KDM2A: variants seen among roughly 807,000 people sequenced by gnomAD.
The protein encoded by KDM2A is lysine-specific demethylase 2A.
A neutral mutation model predicts 137.3 loss-of-function variants in KDM2A; 3 were observed. That is an observed-to-expected ratio of 0.02 (90% CI 0.01 to 0.06). KDM2A has a LOEUF of 0.06. KDM2A is among the 10% of genes least tolerant of loss of function. KDM2A has a pLI of 1.00. For synonymous variants in KDM2A, 512 were observed against 541.5 expected (o/e 0.95, Z 0.76); for missense variants, 738 against 1,510.6 (o/e 0.49, Z 8.48).
chr11:67,254,638 C>G lies in KDM2A; in HGVS notation c.3307+220C>G. On this transcript the variant is annotated intron_variant, in intron 20 of 20. Transcript: ENST00000529006. The surrounding 1 kb of genome is among the most constrained non-coding windows in gnomAD (Gnocchi z 4.7). Reference sequence around the variant, plus strand: ...GGTTGCCTGTCTGCGCAGCCAACATCCAGCTGGAGTTTGGTCAGCCTTGCA... The same window carrying G: ...GGTTGCCTGTCTGCGCAGCCAACATGCAGCTGGAGTTTGGTCAGCCTTGCA... 1.6e-6 allele frequency: 1 copy of G among 638,996 alleles called. No homozygotes were observed. Among genetic ancestry groups the G allele is most frequent in the African/African-American group, 1.8e-5 (1 of 54,800 alleles). The allele number at this position is 638,996 out of a possible 1,614,324, so 39.6% of individuals were successfully genotyped here.
At chr11:67,134,850 C>T (rs1307712746) in intron 2 of KDM2A, among the ~76,000 whole-genome samples, 1 of 152,138 alleles carries the variant, frequency 6.6e-6, no homozygotes, top group Non-Finnish European at 1.5e-5. Flanking sequence ...AAAGCAGTCT[C>T]ACATTGTGTT....
intron 4 of KDM2A, among the ~76,000 whole-genome samples, 157 bp from the exon 5 acceptor site, chr11:67,181,689 T>A (rs1857094718): frequency 6.6e-6 from 1 of 152,160 alleles, no homozygotes; most frequent in African/African-American, 2.4e-5. Flanking sequence ...CCTGTGCATA[T>A]GTGTAAATAT....
chr11:67,252,405 T>TG (rs1286011851), intron 17 of KDM2A: 3 of 415,474 alleles, frequency 7.2e-6, no homozygotes, highest in African/African-American at 6.1e-5. Context: ...TTGCTTGCTA[T>TG]GGGTCCCTAA....
In KDM2A at chr11:67,231,814, C is replaced by T. The variant is rs1424321426; in HGVS notation, c.1333C>T (p.Pro445Ser). 2 of 1,614,030 alleles carry T rather than the reference C, an allele frequency of 1.2e-6. No homozygotes were observed. The highest frequency in any genetic ancestry group is 1.7e-5 in the Admixed American group (1 of 60,022). ...NGQVWDPQCAPRKDRQVHLTH... is the reference protein window; with the variant it reads ...NGQVWDPQCASRKDRQVHLTH... Reference sequence around the variant, plus strand: ...ACAAGTGTGGGATCCCCAGTGTGCTCCCCGAAAGGACAGGCAAGTGCATCT... The same window carrying T: ...ACAAGTGTGGGATCCCCAGTGTGCTTCCCGAAAGGACAGGCAAGTGCATCT... The change falls in exon 12 of 21, where the codon CCC (proline) becomes TCC (serine). Residue 445 changes from proline to serine, a missense_variant. By Grantham distance (74) the Pro-to-Ser change is moderately conservative. Around this residue, in one of 9 missense-constraint regions of KDM2A, gnomAD observed 113 missense variants for 133.5 expected, o/e 0.85. Transcript: ENST00000529006.
chr11:67,165,171 G>A (rs1856712312), intron 2 of KDM2A, among the ~76,000 whole-genome samples: 1 of 151,872 alleles, frequency 6.6e-6, no homozygotes, highest in South Asian at 2.1e-4. Flanking sequence ...ACCCAGGCTG[G>A]AGTGCAGTGG....
In KDM2A at chr11:67,215,934, C is replaced by T; in HGVS notation, c.672C>T (p.Ile224=). 1 of 1,613,400 alleles carries T rather than the reference C, an allele frequency of 6.2e-7. No individual in the cohort carries two copies. The highest frequency in any genetic ancestry group is 1.3e-5 in the African/African-American group (1 of 74,984). ...GTGGTACCTCTGTTTGGTATCACAT[C>T]CATCAAGGGGGAAAGGTATGGTCAT... is the stretch of plus-strand genomic sequence containing the variant. ...DFGGTSVWYH[I]HQGGKVFWLI... The change falls in exon 8 of 21, where the codon ATC becomes ATT. Residue 224 remains isoleucine (I), a synonymous_variant. Coordinates refer to ENST00000529006, the MANE Select transcript of KDM2A (RefSeq NM_012308.3).
chr11:67,155,367 G>C (rs1856488906), intron 2 of KDM2A, among the ~76,000 whole-genome samples: 2 of 149,568 alleles, frequency 1.3e-5, no homozygotes, highest in African/African-American at 2.5e-5. Flanking sequence ...TGCAAGCAGT[G>C]GACTGATCAT....
chr11:67,126,053 CTGACACAACA>C (rs922162242), intron 2 of KDM2A, among the ~76,000 whole-genome samples: 1 of 150,540 alleles, frequency 6.6e-6, no homozygotes, highest in Non-Finnish European at 1.5e-5. Flanking sequence ...CGAGACCAGC[CTGACACAACA>C]TGGAGAAACC....
At chr11:67,128,049 C>T (rs1855770273) in intron 2 of KDM2A, among the ~76,000 whole-genome samples, 1 of 127,534 alleles carries the variant, frequency 7.8e-6, no homozygotes, top group South Asian at 2.9e-4. Flanking sequence ...GGGTCTTGCT[C>T]TGTTGCCCAG....
At position 67,225,376 on chromosome 11, in the gene KDM2A, C is replaced by T. The variant is rs78680465; in HGVS notation, c.958-2661C>T. ...CTTGGGCAGGCGTGGTGGCTTATGCCTGTAATGCCAGCACTTTGGGAGGCT... is the reference window on the plus strand; with the variant it reads ...CTTGGGCAGGCGTGGTGGCTTATGCTTGTAATGCCAGCACTTTGGGAGGCT... On this transcript the variant is annotated intron_variant, in intron 10 of 20. Coordinates refer to ENST00000529006, the MANE Select transcript of KDM2A (RefSeq NM_012308.3). Among the ~76,000 whole-genome samples the T allele has an allele frequency of 9.3e-3, 1,419 of 152,286 alleles. 9 individuals are homozygous for T. The highest frequency in any genetic ancestry group is 0.015 in the Non-Finnish European group (1,008 of 68,026).
chr11:67,170,533 C>T (rs1856860958), intron 2 of KDM2A, among the ~76,000 whole-genome samples: 1 of 151,470 alleles, frequency 6.6e-6, no homozygotes, highest in Non-Finnish European at 1.5e-5. Context: ...CTGCCTGAGC[C>T]TCCCGAGTAG....
Position 67,217,853 on chromosome 11 carries a change from C to T in KDM2A, c.810C>T (p.Leu270=). 6.2e-7 allele frequency: 1 copy of T among 1,612,918 alleles called. No individual in the cohort carries two copies. Among genetic ancestry groups the T allele is most frequent in the South Asian group, 1.1e-5 (1 of 90,808 alleles). Residue 270 remains leucine, a synonymous_variant, in exon 9 of 21, where the codon CTC becomes CTT. Coordinates refer to ENST00000529006, the MANE Select transcript of KDM2A (RefSeq NM_012308.3). The part of the protein sequence containing the change: ...DRVSDCQRIE[L]KQGYTFVIPS... The stretch of plus-strand genomic sequence containing the variant: ...TATCAGATTGTCAGCGCATTGAGCT[C>T]AAGCAGGGCTATACCTTCGTCATTC...
At chr11:67,192,673 G>T (rs1461245362) in intron 5 of KDM2A, among the ~76,000 whole-genome samples, 4 of 151,778 alleles carry the variant, frequency 2.6e-5, no homozygotes, top group Admixed American at 6.6e-5. Flanking sequence ...TCAAACTCCT[G>T]ACCTCAAGTG....
rs542348103 is a variant in KDM2A, at chr11:67,131,318, C to A, written c.42+9960C>A. 3.3e-5 allele frequency among the ~76,000 whole-genome samples: 5 copies of A among 151,888 alleles called. No individual in the cohort carries two copies. The South Asian group carries it at 1.0e-3, about 32-fold the overall frequency. On this transcript the variant is annotated intron_variant, in intron 2 of 20. Coordinates refer to ENST00000529006, the MANE Select transcript of KDM2A (RefSeq NM_012308.3). The stretch of plus-strand genomic sequence containing the variant: ...CAGCCTGGGTGACAAGAGCGAAACT[C>A]CGTCTCAAAAAAATAATAATAATAA...
chr11:67,198,819 C>T (rs2136363832), intron 5 of KDM2A, among the ~76,000 whole-genome samples: 1 of 151,750 alleles, frequency 6.6e-6, no homozygotes, highest in South Asian at 2.1e-4. Flanking sequence ...CACTCTGTTG[C>T]CCAGGCTGGA....
At chr11:67,195,096 A>G (rs1172628145) in intron 5 of KDM2A, among the ~76,000 whole-genome samples, 2 of 152,164 alleles carry the variant, frequency 1.3e-5, no homozygotes, top group Admixed American at 1.3e-4. Context: ...TTTGCAGCTC[A>G]TTTCTTGTCA....
chr11:67,222,899 GAA>G (rs540872235), intron 10 of KDM2A, among the ~76,000 whole-genome samples: 48 of 140,114 alleles, frequency 3.4e-4, no homozygotes, highest in African/African-American at 1.1e-3. Context: ...AAATAAGGGG[GAA>G]AAAAAAAAAA....
chr11:67,221,969 A>G (rs1858366758), intron 10 of KDM2A, among the ~76,000 whole-genome samples: 1 of 151,998 alleles, frequency 6.6e-6, no homozygotes, highest in Non-Finnish European at 1.5e-5. Context: ...CTATTCTAAA[A>G]TAGGTAAATA....
At chr11:67,203,091 A>G (rs142460358) in intron 5 of KDM2A, among the ~76,000 whole-genome samples, 1,592 of 151,708 alleles carry the variant, frequency 0.01, 28 homozygotes, top group Middle Eastern at 0.021. Context: ...AACCACCACC[A>G]CTCTGATCAG....
Sources: allele counts gnomAD v4.1 joint callset (sites outside exome capture counted in the v4.1 genomes callset), GRCh38; gene constraint gnomAD v4.1.1; regional missense constraint gnomAD v4.1.1; non-coding constraint Gnocchi (gnomAD v3.1); transcripts MANE v1.5; gene names NCBI Gene and HGNC (gene_info 2026-07-23, HGNC 2026-07-21).